The following MCOLN2 variants were observed in gnomAD, a reference collection of about 807,000 sequenced individuals.
MCOLN2 encodes the protein mucolipin TRP cation channel 2, also known as mucolipin-2.
MCOLN2 carries 57 observed loss-of-function variants against 67.5 expected under a neutral mutation model. The observed-to-expected ratio is 0.84, with a 90% CI of 0.68 to 1.05. MCOLN2 has a LOEUF of 1.05. MCOLN2 is among the 50% of genes least tolerant of loss of function. The pLI, the probability that MCOLN2 is intolerant of heterozygous loss-of-function variation, is 0.00. For missense variants in MCOLN2, 620 were observed against 678.8 expected, an observed-to-expected ratio of 0.91 and a Z score of 0.96; for synonymous variants, 246 against 233.3, an observed-to-expected ratio of 1.05 and a Z score of -0.50.
At chr1:84,957,940 A>C (rs1648879432) in intron 3 of MCOLN2, among the ~76,000 whole-genome samples, 1 of 152,198 alleles carries the variant, frequency 6.6e-6, no homozygotes. Flanking sequence ...TCTCTTTCCT[A>C]AATTATTTCT....
At chr1:84,940,804 A>C in intron 8 of MCOLN2, 75 bp downstream of exon 8, 1 of 892,758 alleles carries the variant, frequency 1.1e-6, no homozygotes, top group Admixed American at 2.4e-5. Flanking sequence ...GGTGCACAAT[A>C]TCGGTGGTCC....
intron 2 of MCOLN2, among the ~76,000 whole-genome samples, chr1:84,962,898 G>C (rs892098213): frequency 6.6e-6 from 1 of 152,184 alleles, no homozygotes; most frequent in African/African-American, 2.4e-5. Context: ...ACACAATAAA[G>C]TCTATTCTAC....
chr1:84,938,326 G>C (rs1297658355), intron 9 of MCOLN2, among the ~76,000 whole-genome samples: 5 of 152,026 alleles, frequency 3.3e-5, no homozygotes, highest in African/African-American at 1.2e-4. Flanking sequence ...CTCTGAAATA[G>C]AAATTGTATT....
intron 1 of MCOLN2, among the ~76,000 whole-genome samples, chr1:84,987,399 T>C (rs1650579860): frequency 1.4e-5 from 2 of 139,810 alleles, no homozygotes; most frequent in Non-Finnish European, 3.1e-5. Flanking sequence ...CATATGTATA[T>C]AGATATATTT....
chr1:84,941,262 T>C (rs1011704581), intron 7 of MCOLN2, among the ~76,000 whole-genome samples: 2 of 152,106 alleles, frequency 1.3e-5, no homozygotes, highest in African/African-American at 4.8e-5. Flanking sequence ...TTTGGGAGGC[T>C]GAGGTGGGCG....
chr1:84,986,078 C>T (rs1268351237), intron 1 of MCOLN2, among the ~76,000 whole-genome samples: 1 of 152,112 alleles, frequency 6.6e-6, no homozygotes, highest in Non-Finnish European at 1.5e-5. Flanking sequence ...CAGCATGGTA[C>T]TGATATAAAA....
chr1:84,929,921 A>G, intron 12 of MCOLN2: 1 of 286,116 alleles, frequency 3.5e-6, no homozygotes, highest in Non-Finnish European at 6.5e-6. Flanking sequence ...AGAGCCAGGG[A>G]GAGGTTTTTT....
chr1:84,987,347 G>C (rs1283208200), intron 1 of MCOLN2, among the ~76,000 whole-genome samples: 2 of 131,184 alleles, frequency 1.5e-5, no homozygotes, highest in Non-Finnish European at 3.3e-5. Context: ...TATGTATATA[G>C]ATATATGTAG....
chr1:84,935,308 C>T (rs977979883), intron 11 of MCOLN2, among the ~76,000 whole-genome samples: 3 of 152,200 alleles, frequency 2.0e-5, no homozygotes. Flanking sequence ...TGTGTATTTC[C>T]CCAATATATC....
chr1:84,958,088 T>A (rs1648886676), intron 3 of MCOLN2, among the ~76,000 whole-genome samples: 1 of 152,192 alleles, frequency 6.6e-6, no homozygotes, highest in South Asian at 2.1e-4. Flanking sequence ...TTTATTTATT[T>A]ACTTATTTAT....
chr1:84,938,407 T>G (rs1647560817), intron 9 of MCOLN2, among the ~76,000 whole-genome samples: 1 of 152,246 alleles, frequency 6.6e-6, no homozygotes, highest in Non-Finnish European at 1.5e-5. Context: ...ACCTAGGCAT[T>G]CGAGGATACA....
chr1:84,929,973 A>G (rs778504424), intron 12 of MCOLN2: 1 of 218,952 alleles, frequency 4.6e-6, no homozygotes, highest in East Asian at 1.2e-4. Context: ...TCAAAAGTCA[A>G]ATGTCTAGTC....
At chr1:84,993,619 C>CTTTT (rs869075778) in intron 1 of MCOLN2, among the ~76,000 whole-genome samples, 10 of 118,526 alleles carry the variant, frequency 8.4e-5, no homozygotes, top group Non-Finnish European at 1.2e-4. Flanking sequence ...TAAATAATGT[C>CTTTT]TTTTTTTTTT....
intron 13 of MCOLN2, among the ~76,000 whole-genome samples, chr1:84,928,792 T>A (rs1220651712): frequency 6.6e-6 from 1 of 152,198 alleles, no homozygotes; most frequent in East Asian, 1.9e-4. Flanking sequence ...GCTGTATGAA[T>A]TGATTAACAG....
Position 84,958,725 on chromosome 1 carries a change from A to AAC in MCOLN2, c.238-25_238-24dup, listed in dbSNP as rs758257329. On this transcript the variant is annotated intron_variant, in intron 2 of 13. Transcript: ENST00000370608. ...AAGCTAAAAAATAAAATAAAATAGAAACACATGAATTACACCATTTATCAG... is the reference window on the plus strand; with the variant it reads ...AAGCTAAAAAATAAAATAAAATAGAAACACACATGAATTACACCATTTATCAG... 9 of 1,536,922 alleles carry AAC rather than the reference A, an allele frequency of 5.9e-6. No individual in the cohort carries two copies. In the African/African-American group the frequency reaches 1.3e-4, roughly 21 times the overall value.
At chr1:84,945,693 C>G (rs1466948348) in intron 7 of MCOLN2, among the ~76,000 whole-genome samples, 1 of 152,144 alleles carries the variant, frequency 6.6e-6, no homozygotes, top group Non-Finnish European at 1.5e-5. Flanking sequence ...ACTGAGCAAA[C>G]AGAACAGGTT....
chr1:84,939,196 C>T (rs941554334), intron 9 of MCOLN2, among the ~76,000 whole-genome samples: 5 of 152,238 alleles, frequency 3.3e-5, no homozygotes, highest in South Asian at 2.1e-4. Flanking sequence ...CCCCATCCGT[C>T]GGAGCACCCA....
intron 7 of MCOLN2, among the ~76,000 whole-genome samples, chr1:84,945,550 A>G (rs1648048257): frequency 6.6e-6 from 1 of 152,224 alleles, no homozygotes; most frequent in South Asian, 2.1e-4. Flanking sequence ...TTTAAAACAA[A>G]TATAAAACAG....
At chr1:84,956,262 C>T (rs976077337) in intron 4 of MCOLN2, among the ~76,000 whole-genome samples, 169 bp downstream of exon 4, 1 of 152,184 alleles carries the variant, frequency 6.6e-6, no homozygotes, top group Admixed American at 6.5e-5. Flanking sequence ...CACAACCCCA[C>T]AGTTTCCTGA....
Sources: allele counts gnomAD v4.1 joint callset (sites outside exome capture counted in the v4.1 genomes callset), GRCh38; gene constraint gnomAD v4.1.1; transcripts MANE v1.5; gene names NCBI Gene and HGNC (gene_info 2026-07-23, HGNC 2026-07-21).